The following TEAD4 variants were observed in gnomAD, a reference collection of about 807,000 sequenced individuals.
TEAD4 encodes transcriptional enhancer factor TEF-3.
A neutral mutation model predicts 52.4 loss-of-function variants in TEAD4; 36 were observed. The ratio of observed to expected loss-of-function variants is 0.69; its 90% confidence interval spans 0.53 to 0.91. TEAD4 has a LOEUF of 0.91. Among genes scored for constraint, TEAD4 ranks in the 40% least tolerant of loss-of-function variants. The probability of loss-of-function intolerance (pLI) is 0.00; values close to 1 mark genes in which losing one functional copy is unlikely to be tolerated. For missense variants in TEAD4, 508 were observed against 583.9 expected, an observed-to-expected ratio of 0.87 and a Z score of 1.34; for synonymous variants, 220 against 231.0, an observed-to-expected ratio of 0.95 and a Z score of 0.43.
intron 3 of TEAD4, among the ~76,000 whole-genome samples, chr12:2,998,908 C>T (rs1565536123): frequency 6.6e-6 from 1 of 152,168 alleles, no homozygotes; most frequent in Non-Finnish European, 1.5e-5. Flanking sequence ...AACCGCCCAG[C>T]CCCCACAGCA....
chr12:2,985,767 T>C (rs1343308030), intron 2 of TEAD4, among the ~76,000 whole-genome samples: 1 of 152,094 alleles, frequency 6.6e-6, no homozygotes, highest in African/African-American at 2.4e-5. Context: ...CCTGTTTTTT[T>C]ACTTTTTAAC....
Position 2,959,635 on chromosome 12 carries a change from C to G in TEAD4, c.-123+154C>G, listed in dbSNP as rs1267905475. Among the ~76,000 whole-genome samples, 1 of 150,976 alleles carries G rather than the reference C, an allele frequency of 6.6e-6. No homozygotes were observed. The highest frequency in any genetic ancestry group is 1.5e-5 in the Non-Finnish European group (1 of 67,676). ...TGGACCTCTGCGCTCCGACGCGCTCCGTCCCGACCTCTGGCTTCCCTCCGC... is the reference window on the plus strand; with the variant it reads ...TGGACCTCTGCGCTCCGACGCGCTCGGTCCCGACCTCTGGCTTCCCTCCGC... On this transcript the variant is annotated intron_variant, in intron 1 of 12. Coordinates refer to ENST00000359864, the MANE Select transcript of TEAD4 (RefSeq NM_003213.4). This position sits in a 1 kb window ranked among gnomAD's most constrained non-coding sequence, Gnocchi z 5.1.
chr12:2,987,619 AGAGACGGGGTTTCACCGTG>A (rs2098239626), intron 2 of TEAD4, among the ~76,000 whole-genome samples: 3 of 151,534 alleles, frequency 2.0e-5, no homozygotes, highest in Admixed American at 1.3e-4. Flanking sequence ...TATTTTTAGT[AGAGACGGGGTTTCACCGTG>A]GTCTCGATCT....
chr12:3,033,675 C>A (rs897203013), intron 10 of TEAD4, among the ~76,000 whole-genome samples: 5 of 152,242 alleles, frequency 3.3e-5, no homozygotes, highest in Non-Finnish European at 4.4e-5. Context: ...ATCTGTCAGT[C>A]ACCCGATCCC....
intron 10 of TEAD4, among the ~76,000 whole-genome samples, chr12:3,025,720 A>C (rs950985316): frequency 2.0e-5 from 3 of 152,072 alleles, no homozygotes; most frequent in Admixed American, 1.3e-4. Flanking sequence ...TATTTTTAAG[A>C]GAGATGGGAT....
chr12:3,015,588 G>A (rs1047978372), intron 5 of TEAD4, among the ~76,000 whole-genome samples: 5 of 152,370 alleles, frequency 3.3e-5, no homozygotes, highest in East Asian at 1.9e-4. Context: ...ATGGAGCTGC[G>A]TGTGGACCGC....
chr12:3,019,050 C>T (rs2098266703), intron 7 of TEAD4, 65 bp from the exon 8 acceptor site: 3 of 1,586,748 alleles, frequency 1.9e-6, no homozygotes, highest in Non-Finnish European at 1.7e-6. Flanking sequence ...CCACTGGACC[C>T]AGTGCAGGGA....
intron 2 of TEAD4, among the ~76,000 whole-genome samples, chr12:2,974,350 C>G (rs1400324817): frequency 6.6e-6 from 1 of 152,226 alleles, no homozygotes; most frequent in African/African-American, 2.4e-5. Context: ...ATCTTCCTTC[C>G]TATCCCTGAC....
chr12:3,031,245 C>T (rs891535215), intron 10 of TEAD4, among the ~76,000 whole-genome samples: 6 of 152,282 alleles, frequency 3.9e-5, no homozygotes, highest in East Asian at 1.9e-4. Flanking sequence ...TCACCGCCCC[C>T]GGCCTGTCCA....
intron 10 of TEAD4, among the ~76,000 whole-genome samples, chr12:3,024,735 A>G (rs928285313): frequency 1.3e-5 from 2 of 152,206 alleles, no homozygotes; most frequent in African/African-American, 4.8e-5. Context: ...CTCTTGTACA[A>G]CTTTTTTTTC....
intron 3 of TEAD4, among the ~76,000 whole-genome samples, chr12:3,004,697 A>G (rs2098254435): frequency 6.6e-6 from 1 of 152,254 alleles, no homozygotes; most frequent in Admixed American, 6.5e-5. Context: ...CACAGGATAC[A>G]TATCTGTATC....
chr12:3,007,141 C>A (rs1009458101), intron 3 of TEAD4, among the ~76,000 whole-genome samples: 3 of 152,182 alleles, frequency 2.0e-5, no homozygotes, highest in Non-Finnish European at 4.4e-5. Flanking sequence ...AGCAGCAGAG[C>A]CCTGGAACCT....
rs1565533849 is a variant in TEAD4 at position 2,994,014 on chromosome 12, T to C, written c.-29-724T>C. Among the ~76,000 whole-genome samples, 1 of 152,244 alleles carries C rather than the reference T, an allele frequency of 6.6e-6. No individual in the cohort carries two copies. On this transcript the variant is annotated intron_variant, in intron 2 of 12. Coordinates refer to ENST00000359864, the MANE Select transcript of TEAD4 (RefSeq NM_003213.4). The surrounding 1 kb of genome is among the most constrained non-coding windows in gnomAD (Gnocchi z 4.7). Reference sequence around the variant, plus strand: ...TCTACCTTTTGACTCTTGTGAATAATGCTGCCGCGAGCATGAGTGTACATA... The same window carrying C: ...TCTACCTTTTGACTCTTGTGAATAACGCTGCCGCGAGCATGAGTGTACATA...
intron 5 of TEAD4, among the ~76,000 whole-genome samples, chr12:3,016,773 A>G (rs529402030): frequency 6.6e-6 from 1 of 152,314 alleles, no homozygotes; most frequent in East Asian, 1.9e-4. Context: ...CGTGCCATCC[A>G]AGTGGCTTTC....
At chr12:2,964,876 C>T (rs1011762264) in intron 2 of TEAD4, among the ~76,000 whole-genome samples, 14 of 152,128 alleles carry the variant, frequency 9.2e-5, no homozygotes, top group Non-Finnish European at 1.8e-4. Flanking sequence ...GTCGACCAGA[C>T]TTTGTGAGGA....
chr12:2,967,713 T>C (rs2153952440), intron 2 of TEAD4, among the ~76,000 whole-genome samples: 1 of 152,312 alleles, frequency 6.6e-6, no homozygotes, highest in East Asian at 1.9e-4. Context: ...TTCTAGACAT[T>C]TCTGCCTTCA....
chr12:2,973,006 C>T (rs2098226548), intron 2 of TEAD4, among the ~76,000 whole-genome samples: 1 of 152,218 alleles, frequency 6.6e-6, no homozygotes, highest in Non-Finnish European at 1.5e-5. Context: ...ATCCCTCCCC[C>T]TTCCCCTCTT....
At chr12:2,973,498 A>G (rs1214855272) in intron 2 of TEAD4, among the ~76,000 whole-genome samples, 7 of 152,220 alleles carry the variant, frequency 4.6e-5, no homozygotes, top group Admixed American at 4.6e-4. Context: ...GAACTCTGAA[A>G]GTGAGGTGAG....
chr12:2,960,081 G>A (rs2098214018), intron 2 of TEAD4, 41 bp downstream of exon 2: 1 of 154,900 alleles, frequency 6.5e-6, no homozygotes, highest in Non-Finnish European at 1.4e-5. Flanking sequence ...CTTTGCCGGA[G>A]GGCAGGAGTC....
Sources: gnomAD v4.1 joint callset for allele counts (sites outside exome capture counted in the v4.1 genomes callset) on GRCh38, gnomAD v4.1.1 for gene constraint, Gnocchi (gnomAD v3.1) non-coding constraint, MANE v1.5 for transcripts, NCBI Gene and HGNC (gene_info 2026-07-23, HGNC 2026-07-21) for gene names.